Variants in ITGA1 observed in about 807,000 individuals in gnomAD.
ITGA1 encodes the protein integrin alpha-1.
In ITGA1, 85 loss-of-function variants were observed where a neutral mutation model predicts 145.9. The observed-to-expected ratio is 0.58, with a 90% confidence interval of 0.49 to 0.70. ITGA1 has a LOEUF of 0.70. Ranked by LOEUF, ITGA1 falls within the 30% of genes least tolerant of loss-of-function variation. The pLI is 0.00. For missense variants in ITGA1, 1,351 were observed against 1,418.7 expected (o/e 0.95, Z 0.77); for synonymous variants, 520 against 495.3 (o/e 1.05, Z -0.66).
intron 1 of ITGA1, chr5:52,801,943 T>C: frequency 1.3e-6 from 1 of 790,728 alleles, no homozygotes; most frequent in East Asian, 2.6e-5. Context: ...CACTTTTTGA[T>C]TCATACAGGG....
intron 1 of ITGA1, among the ~76,000 whole-genome samples, chr5:52,813,777 A>G (rs1039075238): frequency 6.6e-6 from 1 of 152,206 alleles, no homozygotes; most frequent in African/African-American, 2.4e-5. Flanking sequence ...TCTCATTCAC[A>G]TCTCCTATGT....
chr5:52,924,012 T>G (rs747486093), intron 18 of ITGA1, among the ~76,000 whole-genome samples: 1 of 152,118 alleles, frequency 6.6e-6, no homozygotes, highest in Non-Finnish European at 1.5e-5. Context: ...TAGTTCCTGT[T>G]CCCAAAGTTA....
chr5:52,827,313 T>C (rs140659935), intron 1 of ITGA1, among the ~76,000 whole-genome samples: 1 of 152,158 alleles, frequency 6.6e-6, no homozygotes, highest in African/African-American at 2.4e-5. Context: ...AAAACTTTAG[T>C]GGATGAGTTG....
chr5:52,934,714 GA>G (rs575796309), intron 23 of ITGA1, among the ~76,000 whole-genome samples: 52 of 151,722 alleles, frequency 3.4e-4, no homozygotes, highest in Non-Finnish European at 5.9e-4. Context: ...TCAAATAATG[GA>G]TTTAAATATG....
intron 1 of ITGA1, among the ~76,000 whole-genome samples, chr5:52,834,570 G>GAAGAAAGAAAGAAAGAGAGAAGA (rs1749129056): frequency 1.4e-5 from 2 of 143,084 alleles, no homozygotes; most frequent in Non-Finnish European, 3.1e-5. Context: ...GAGAAAGAGA[G>GAAGAAAGAAAGAAAGAGAGAAGA]AAGAAAGAAA....
At chr5:52,832,986 G>A (rs1749099411) in intron 1 of ITGA1, among the ~76,000 whole-genome samples, 2 of 146,650 alleles carry the variant, frequency 1.4e-5, no homozygotes, top group South Asian at 4.3e-4. Context: ...GAGTTCAAGA[G>A]CTCGAGACCA....
chr5:52,918,682 A>C, intron 15 of ITGA1, 50 bp from the exon 16 acceptor site: 1 of 1,566,760 alleles, frequency 6.4e-7, no homozygotes, highest in Non-Finnish European at 8.6e-7. Context: ...AGTTGATGAC[A>C]TTCATTAAAT....
In ITGA1 at chr5:52,939,679, A is replaced by G; in HGVS notation, c.3168A>G (p.Arg1056=). 6.2e-7 allele frequency: 1 copy of G among 1,610,232 alleles called. No homozygotes were observed. Among genetic ancestry groups the G allele is most frequent in the Non-Finnish European group, 8.5e-7 (1 of 1,176,674 alleles). The change falls in exon 25 of 29, where the codon CGA becomes CGG. Residue 1056 remains arginine (R), a synonymous_variant. Coordinates refer to ENST00000282588, the MANE Select transcript of ITGA1 (RefSeq NM_181501.2). The part of the protein sequence containing the change: ...KMTTSTDHLK[R]GTILDCNTCK... ...CTACATCAACTGACCATCTCAAACG[A>G]GGCACAATTCTGGTAAATTAAGACA...
intron 23 of ITGA1, among the ~76,000 whole-genome samples, chr5:52,934,305 A>T (rs555640252): frequency 1.6e-4 from 24 of 151,806 alleles, no homozygotes; most frequent in Non-Finnish European, 2.7e-4. Flanking sequence ...CTAGAAAAAA[A>T]AAATAAACTA....
At chr5:52,819,044 T>A (rs1042156253) in intron 1 of ITGA1, among the ~76,000 whole-genome samples, 2 of 152,038 alleles carry the variant, frequency 1.3e-5, no homozygotes, top group Non-Finnish European at 2.9e-5. Flanking sequence ...AAGGAGAGAG[T>A]TGTAGATAGA....
In ITGA1 at chr5:52,911,660, TATACATATA is replaced by T. The variant is rs1343725508; in HGVS notation, c.1857+1242_1857+1250del. On this transcript the variant is annotated intron_variant, in intron 14 of 28. Coordinates refer to ENST00000282588, the MANE Select transcript of ITGA1 (RefSeq NM_181501.2). ...TATATAGTGTATCTACTATATATACTATACATATAGTGTATCTACTATATATACTATACA... is the reference window on the plus strand; with the variant it reads ...TATATAGTGTATCTACTATATATACTGTGTATCTACTATATATACTATACA... Among the ~76,000 whole-genome samples, 27 of 132,020 alleles carry T rather than the reference TATACATATA, an allele frequency of 2.0e-4. 2 individuals are homozygous for T. The highest frequency in any genetic ancestry group is 6.7e-4 in the African/African-American group (24 of 35,768). The allele number at this position is 132,020 out of a possible 152,430, so 86.6% of individuals were successfully genotyped here.
At position 52,953,544 on chromosome 5, in the gene ITGA1, T is replaced by C. The variant is rs1751260811; in HGVS notation, c.*1093T>C. ...AATTTTCCATTTCAGTATTACATTT[T>C]ACCAAGAAGTCACTGCTTTTTAGGT... On this transcript the variant is annotated 3_prime_UTR_variant, in exon 29 of 29. Coordinates refer to ENST00000282588, the MANE Select transcript of ITGA1 (RefSeq NM_181501.2). The C allele has an allele frequency of 6.6e-6, 1 of 152,246 alleles. No individual in the cohort carries two copies. Among genetic ancestry groups the C allele is most frequent in the Admixed American group, 6.5e-5 (1 of 15,284 alleles). The allele number at this position is 152,246 out of a possible 1,614,324, so 9.4% of individuals were successfully genotyped here. A position where few individuals can be genotyped will look rare whatever the true frequency, so the allele number is the denominator to read the frequency against.
At chr5:52,803,707 A>G (rs2111671153) in intron 1 of ITGA1, 1 of 152,294 alleles carries the variant, frequency 6.6e-6, no homozygotes, top group East Asian at 1.9e-4. Flanking sequence ...AGGCCTTGCT[A>G]TTCAAAAGTA....
intron 1 of ITGA1, among the ~76,000 whole-genome samples, chr5:52,823,808 G>A (rs1029640442): frequency 2.6e-5 from 4 of 152,230 alleles, no homozygotes; most frequent in African/African-American, 9.6e-5. Context: ...GAAGGGGAAA[G>A]TGCTTTCAGC....
intron 11 of ITGA1, among the ~76,000 whole-genome samples, chr5:52,899,897 A>G (rs572912944): frequency 6.6e-6 from 1 of 152,314 alleles, no homozygotes; most frequent in South Asian, 2.1e-4. Flanking sequence ...GTGAAACCAC[A>G]ATTGAGGCTT....
At chr5:52,800,206 G>A in intron 1 of ITGA1, 1 of 611,322 alleles carries the variant, frequency 1.6e-6, no homozygotes, top group Non-Finnish European at 2.9e-6. Context: ...ACTGAGAGAG[G>A]AAAGGATAGA....
chr5:52,902,740 A>AT (rs1183051595), intron 11 of ITGA1: 2 of 151,810 alleles, frequency 1.3e-5, no homozygotes, highest in African/African-American at 2.4e-5. Context: ...TCCCCGGCTA[A>AT]TTTTTTATAT....
At chr5:52,814,005 G>T (rs1580041969) in intron 1 of ITGA1, among the ~76,000 whole-genome samples, 1 of 152,280 alleles carries the variant, frequency 6.6e-6, no homozygotes, top group East Asian at 1.9e-4. Flanking sequence ...TCAGCCACTT[G>T]CTGGAAGAAA....
intron 1 of ITGA1, among the ~76,000 whole-genome samples, chr5:52,814,267 C>T (rs937897723): frequency 6.6e-6 from 1 of 152,184 alleles, no homozygotes; most frequent in Non-Finnish European, 1.5e-5. Flanking sequence ...GTTCCTTAGC[C>T]TCCCAAGTGG....
Sources: allele counts gnomAD v4.1 joint callset (sites outside exome capture counted in the v4.1 genomes callset), GRCh38; gene constraint gnomAD v4.1.1; transcripts MANE v1.5; gene names NCBI Gene and HGNC (gene_info 2026-07-23, HGNC 2026-07-21).